Variants in DAPP1 observed in about 807,000 individuals in gnomAD.
DAPP1 encodes the protein dual adapter for phosphotyrosine and 3-phosphotyrosine and 3-phosphoinositide.
In DAPP1, 20 loss-of-function variants were observed where a neutral mutation model predicts 41.5. The observed-to-expected ratio is 0.48, with a 90% CI of 0.34 to 0.70. The LOEUF (loss-of-function observed/expected upper bound fraction) is 0.70. Ranked by LOEUF, DAPP1 falls within the 30% of genes least tolerant of loss-of-function variation. The probability of loss-of-function intolerance (pLI) is 0.01; values close to 1 mark genes in which losing one functional copy is unlikely to be tolerated. For synonymous variants in DAPP1, 113 were observed against 116.2 expected, an observed-to-expected ratio of 0.97 and a Z score of 0.18; for missense variants, 233 against 333.4, an observed-to-expected ratio of 0.70 and a Z score of 2.35.
chr4:99,838,912 T>C (rs17029573), intron 2 of DAPP1, among the ~76,000 whole-genome samples: 41,183 of 152,112 alleles, frequency 0.27, 6,082 homozygotes, highest in African/African-American at 0.39. Flanking sequence ...TAACTTAAGC[T>C]GGAATTATCA....
chr4:99,870,349 G>C (rs982089924), downstream of DAPP1, among the ~76,000 whole-genome samples: 4 of 135,482 alleles, frequency 3.0e-5, no homozygotes, highest in African/African-American at 1.2e-4. Flanking sequence ...ATATATATGC[G>C]TGTATATATA....
At chr4:99,839,165 C>G (rs1723405427) in intron 2 of DAPP1, among the ~76,000 whole-genome samples, 1 of 151,182 alleles carries the variant, frequency 6.6e-6, no homozygotes, top group Non-Finnish European at 1.5e-5. Context: ...GTCTCAGGCC[C>G]CACCTTGGAT....
intron 1 of DAPP1, among the ~76,000 whole-genome samples, chr4:99,822,356 T>G (rs3775500): frequency 0.32 from 49,315 of 151,860 alleles, 8,511 homozygotes; most frequent in African/African-American, 0.44. Flanking sequence ...TGTGCAGAGA[T>G]GGAGGATTCA....
Position 99,866,128 on chromosome 4 carries a change from A to G in DAPP1, c.774+7A>G. On this transcript the variant is annotated splice_region_variant and intron_variant, in intron 8 of 8. Coordinates refer to ENST00000512369, the MANE Select transcript of DAPP1 (RefSeq NM_014395.3). ...GATATTACGCTGGAAATTGGTGAGAATTTTTAAGCCTTCAGATGTCAAGTC... is the reference window on the plus strand; with the variant it reads ...GATATTACGCTGGAAATTGGTGAGAGTTTTTAAGCCTTCAGATGTCAAGTC... The G allele has an allele frequency of 6.5e-7, 1 of 1,539,166 alleles. No individual in the cohort carries two copies. The highest frequency in any genetic ancestry group is 9.0e-7 in the Non-Finnish European group (1 of 1,115,672).
chr4:99,864,875 A>G (rs1019613714), intron 7 of DAPP1: 37 of 152,278 alleles, frequency 2.4e-4, no homozygotes, highest in African/African-American at 8.9e-4. Flanking sequence ...AAACTCCCCT[A>G]TGAGACCGGG....
In DAPP1 at chr4:99,827,548, A is replaced by C. The variant is rs186024754; in HGVS notation, c.102-8075A>C. ...ACTACGTCTCAAAAAAAAAACAACA[A>C]AAAAACAAAACAAAAAACACCATCA... On this transcript the variant is annotated intron_variant, in intron 1 of 8. Coordinates refer to ENST00000512369, the MANE Select transcript of DAPP1 (RefSeq NM_014395.3). Among the ~76,000 whole-genome samples the C allele has an allele frequency of 9.5e-3, 1,169 of 123,502 alleles. 44 individuals are homozygous for C. Among genetic ancestry groups the C allele is most frequent in the Middle Eastern group, 0.016 (4 of 256 alleles). 81.0% of individuals were successfully genotyped at this position (123,502 alleles called of 152,430 possible).
chr4:99,864,621 C>A (rs1261838935), intron 7 of DAPP1, among the ~76,000 whole-genome samples: 1 of 152,052 alleles, frequency 6.6e-6, no homozygotes, highest in African/African-American at 2.4e-5. Context: ...TAGACATGCC[C>A]TGTGAGCTAG....
intron 3 of DAPP1, among the ~76,000 whole-genome samples, chr4:99,851,721 T>G (rs958228298): frequency 2.6e-5 from 4 of 151,614 alleles, no homozygotes; most frequent in Non-Finnish European, 4.4e-5. Context: ...ATTTTTGTTT[T>G]TATTTTGTAT....
chr4:99,832,616 A>G (rs1386146617), intron 1 of DAPP1, among the ~76,000 whole-genome samples: 1 of 152,188 alleles, frequency 6.6e-6, no homozygotes, highest in Non-Finnish European at 1.5e-5. Flanking sequence ...GTCTCCAAGA[A>G]TTTTCCAGAC....
rs1722608003 is a variant in DAPP1 at position 99,816,962 on chromosome 4, T to G, written c.49T>G (p.Ser17Ala). 3 of 1,609,050 alleles carry G rather than the reference T, an allele frequency of 1.9e-6. No individual in the cohort carries two copies. Among genetic ancestry groups the G allele is most frequent in the Non-Finnish European group, 2.5e-6 (3 of 1,177,876 alleles). The change falls in exon 1 of 9, where the codon TCA (serine) becomes GCA (alanine). Residue 17 changes from serine to alanine, a missense_variant. Transcript: ENST00000512369. ...AGGGAAGATGAGCACCCAGGATCCC[T>G]CAGATCTGTGGAGCAGATCCGATGG... ...LEGKMSTQDP[S>A]DLWSRSDGEA... is the part of the protein sequence containing the mutation.
intron 3 of DAPP1, chr4:99,844,283 G>C (rs1202081945): frequency 6.6e-6 from 1 of 152,200 alleles, no homozygotes; most frequent in East Asian, 1.9e-4. Context: ...CAAAGGACAC[G>C]AACTTCCTAA....
intron 8 of DAPP1, among the ~76,000 whole-genome samples, chr4:99,867,050 G>A (rs1724487891): frequency 6.6e-6 from 1 of 152,066 alleles, no homozygotes; most frequent in Non-Finnish European, 1.5e-5. Context: ...GATGACAGGT[G>A]TGAAGCACCA....
intron 3 of DAPP1, among the ~76,000 whole-genome samples, chr4:99,851,663 C>T (rs931170809): frequency 1.3e-5 from 2 of 151,172 alleles, no homozygotes; most frequent in African/African-American, 4.9e-5. Context: ...GCCTCAGCCT[C>T]CCGAGTAGCT....
intron 3 of DAPP1, among the ~76,000 whole-genome samples, chr4:99,847,511 A>AGGCATGTC (rs1723705563): frequency 6.6e-6 from 1 of 152,244 alleles, no homozygotes; most frequent in African/African-American, 2.4e-5. Context: ...AGCATGGCTG[A>AGGCATGTC]AACCAGGTTT....
chr4:99,817,540 G>C (rs1722629194), intron 1 of DAPP1, among the ~76,000 whole-genome samples: 1 of 152,200 alleles, frequency 6.6e-6, no homozygotes, highest in South Asian at 2.1e-4. Flanking sequence ...GCATTTGTGA[G>C]ATTTGATATC....
intron 3 of DAPP1, among the ~76,000 whole-genome samples, chr4:99,841,883 C>T (rs1426066493): frequency 1.3e-5 from 2 of 152,206 alleles, no homozygotes; most frequent in Non-Finnish European, 2.9e-5. Context: ...TCTACTTTCT[C>T]TTTTTCTTCC....
intron 1 of DAPP1, among the ~76,000 whole-genome samples, chr4:99,831,049 T>C (rs1723103804): frequency 6.6e-6 from 1 of 152,254 alleles, no homozygotes; most frequent in African/African-American, 2.4e-5. Flanking sequence ...TTCTGGTTCC[T>C]TCTACAAAGA....
At chr4:99,835,228 C>T (rs571536906) in intron 1 of DAPP1, among the ~76,000 whole-genome samples, 34 of 152,030 alleles carry the variant, frequency 2.2e-4, no homozygotes, top group South Asian at 1.0e-3. Context: ...GGGCCGGTCT[C>T]GAACCCCTGA....
chr4:99,841,987 A>G (rs190232558), intron 3 of DAPP1, among the ~76,000 whole-genome samples: 275 of 152,220 alleles, frequency 1.8e-3, no homozygotes, highest in African/African-American at 6.1e-3. Flanking sequence ...GGCCTTCTCC[A>G]AGTTAGGGAA....
Sources: gnomAD v4.1 joint callset for allele counts (sites outside exome capture counted in the v4.1 genomes callset) on GRCh38, gnomAD v4.1.1 for gene constraint, MANE v1.5 for transcripts, NCBI Gene and HGNC (gene_info 2026-07-23, HGNC 2026-07-21) for gene names.